The following MEGF10 variants were observed in gnomAD, a reference collection of about 807,000 sequenced individuals.
MEGF10 encodes multiple epidermal growth factor-like domains protein 10.
In MEGF10, 86 loss-of-function variants were observed where a neutral mutation model predicts 147.5. The observed-to-expected ratio is 0.58, with a 90% confidence interval of 0.49 to 0.70. The LOEUF (loss-of-function observed/expected upper bound fraction) is 0.70. Ranked by LOEUF, MEGF10 falls within the 30% of genes least tolerant of loss-of-function variation. The pLI is 0.00. For synonymous variants in MEGF10, 478 were observed against 525.5 expected, an observed-to-expected ratio of 0.91 and a Z score of 1.24; for missense variants, 1,329 against 1,487.3, an observed-to-expected ratio of 0.89 and a Z score of 1.75.
Position 127,442,992 on chromosome 5 carries a change from C to G in MEGF10, c.2363-6C>G, listed in dbSNP as rs1319764448. The stretch of plus-strand genomic sequence containing the variant: ...TGGAAAGCTACATTTGACTTTCCTT[C>G]TCTAGAGTGCCCTTCAGGAACATAT... On this transcript the variant is annotated splice_polypyrimidine_tract_variant and splice_region_variant and intron_variant, in intron 18 of 24. Transcript: ENST00000503335. 1.2e-6 allele frequency: 2 copies of G among 1,609,488 alleles called. No individual in the cohort carries two copies. Among genetic ancestry groups the G allele is most frequent in the Admixed American group, 1.7e-5 (1 of 59,494 alleles).
At chr5:127,429,026 G>A (rs1222594008) in intron 13 of MEGF10, among the ~76,000 whole-genome samples, 1 of 152,304 alleles carries the variant, frequency 6.6e-6, no homozygotes, top group Middle Eastern at 3.4e-3. Context: ...GGCAAAAACA[G>A]TCCCTTACAG....
chr5:127,322,966 T>C (rs1036230766), intron 1 of MEGF10, among the ~76,000 whole-genome samples: 1 of 152,024 alleles, frequency 6.6e-6, no homozygotes, highest in Non-Finnish European at 1.5e-5. Flanking sequence ...ACACATACAA[T>C]GTGTGTATAT....
the MEGF10 span, among the ~76,000 whole-genome samples, chr5:127,277,780 G>A: frequency 6.6e-6 from 1 of 152,156 alleles, no homozygotes; most frequent in Middle Eastern, 3.2e-3. Flanking sequence ...AGTTTGAATG[G>A]AGGGTGTGAG....
At chr5:127,420,739 C>T (rs1020970923) in intron 12 of MEGF10, among the ~76,000 whole-genome samples, 1 of 152,226 alleles carries the variant, frequency 6.6e-6, no homozygotes, top group Non-Finnish European at 1.5e-5. Context: ...CCTTGACCTA[C>T]TTTGGAGATA....
chr5:127,422,446 C>T (rs928676765), intron 12 of MEGF10, among the ~76,000 whole-genome samples: 3 of 151,752 alleles, frequency 2.0e-5, no homozygotes, highest in Non-Finnish European at 2.9e-5. Context: ...CCCGGGAGGC[C>T]GAGGTTGCGC....
chr5:127,410,093 C>A (rs1475012933), intron 8 of MEGF10, among the ~76,000 whole-genome samples: 1 of 152,172 alleles, frequency 6.6e-6, no homozygotes, highest in Non-Finnish European at 1.5e-5. Flanking sequence ...CTTTGGCAAG[C>A]ACTAAGTGTA....
At chr5:127,297,186 C>T (rs1043206640) in intron 1 of MEGF10, among the ~76,000 whole-genome samples, 2 of 152,086 alleles carry the variant, frequency 1.3e-5, no homozygotes, top group African/African-American at 2.4e-5. Context: ...AGGCTGGTCT[C>T]GAACTCCTGA....
intron 5 of MEGF10, among the ~76,000 whole-genome samples, chr5:127,389,988 C>G (rs373524474): frequency 6.6e-6 from 1 of 152,042 alleles, no homozygotes; most frequent in Non-Finnish European, 1.5e-5. Flanking sequence ...CAGATAGAAC[C>G]ATTTAAAAAA....
intron 22 of MEGF10, among the ~76,000 whole-genome samples, chr5:127,453,977 T>C (rs1334548072): frequency 1.3e-5 from 2 of 152,134 alleles, no homozygotes; most frequent in African/African-American, 4.8e-5. Flanking sequence ...CATTTTCCAA[T>C]GAGAAAGCAG....
chr5:127,268,445 A>T, the MEGF10 span, among the ~76,000 whole-genome samples: 1 of 152,190 alleles, frequency 6.6e-6, no homozygotes, highest in Non-Finnish European at 1.5e-5. Context: ...CGCTTGGTGT[A>T]GAGCTGAGTT....
At chr5:127,397,703 A>G (rs1363384) in intron 6 of MEGF10, among the ~76,000 whole-genome samples, 1,702 of 152,330 alleles carry the variant, frequency 0.011, 21 homozygotes, top group East Asian at 0.046. Flanking sequence ...CAAACTGTTT[A>G]ATTGTTAATA....
intron 5 of MEGF10, among the ~76,000 whole-genome samples, chr5:127,385,264 A>T (rs1197339434): frequency 2.6e-5 from 4 of 152,090 alleles, no homozygotes; most frequent in Admixed American, 6.5e-5. Context: ...AAGTCAGTAT[A>T]CTGATTTTGA....
chr5:127,397,854 TGTCA>T (rs1220639405), intron 6 of MEGF10, among the ~76,000 whole-genome samples: 3 of 152,126 alleles, frequency 2.0e-5, no homozygotes, highest in Non-Finnish European at 4.4e-5. Flanking sequence ...AAGGGAAACT[TGTCA>T]GTCAGTAGGA....
chr5:127,255,185 G>T, the MEGF10 span, among the ~76,000 whole-genome samples: 1 of 152,004 alleles, frequency 6.6e-6, no homozygotes, highest in Non-Finnish European at 1.5e-5. Flanking sequence ...TCAGTTGGTT[G>T]CCAGAATGCA....
the MEGF10 span, among the ~76,000 whole-genome samples, chr5:127,249,635 A>G: frequency 6.6e-6 from 1 of 152,130 alleles, no homozygotes; most frequent in African/African-American, 2.4e-5. Flanking sequence ...GGAGCCAACT[A>G]AAAGCTGTCT....
chr5:127,301,854 G>A (rs201920411), intron 1 of MEGF10, among the ~76,000 whole-genome samples: 10 of 152,172 alleles, frequency 6.6e-5, no homozygotes, highest in Admixed American at 2.6e-4. Flanking sequence ...CTAGGAATCA[G>A]GTCTGCTTCT....
the MEGF10 span, among the ~76,000 whole-genome samples, chr5:127,242,158 T>C: frequency 7.7e-4 from 118 of 152,260 alleles, no homozygotes; most frequent in Middle Eastern, 0.01. Context: ...TGATAAGACA[T>C]ACAACAGGCA....
At chr5:127,312,700 C>A (rs1471951235) in intron 1 of MEGF10, among the ~76,000 whole-genome samples, 3 of 152,164 alleles carry the variant, frequency 2.0e-5, no homozygotes, top group African/African-American at 7.2e-5. Context: ...TGGGGTACAA[C>A]CAGTTTCCTA....
chr5:127,393,803 C>A (rs1763797042), intron 5 of MEGF10, among the ~76,000 whole-genome samples: 1 of 150,260 alleles, frequency 6.7e-6, no homozygotes, highest in Non-Finnish European at 1.5e-5. Context: ...GATAAGATAT[C>A]TTCAAAGTTT....
Sources: gnomAD v4.1 joint callset for allele counts (sites outside exome capture counted in the v4.1 genomes callset) on GRCh38, gnomAD v4.1.1 for gene constraint, MANE v1.5 for transcripts, NCBI Gene and HGNC (gene_info 2026-07-23, HGNC 2026-07-21) for gene names.